Variants in BNC2 observed in about 807,000 individuals in gnomAD.
BNC2 encodes the protein zinc finger protein basonuclin-2.
A neutral mutation model predicts 76.3 loss-of-function variants in BNC2; 20 were observed. The observed-to-expected ratio is 0.26, with a 90% confidence interval of 0.18 to 0.38. The LOEUF is 0.38. BNC2 is among the 10% of genes least tolerant of loss of function. The probability of loss-of-function intolerance (pLI) is 1.00; values close to 1 mark genes in which losing one functional copy is unlikely to be tolerated. For synonymous variants in BNC2, 582 were observed against 514.8 expected, an observed-to-expected ratio of 1.13 and a Z score of -1.77; for missense variants, 1,382 against 1,399.8, an observed-to-expected ratio of 0.99 and a Z score of 0.20.
chr9:16,725,217 T>TCACTCACACA lies in BNC2; in HGVS notation c.330+2579_330+2580insTGTGTGAGTG, dbSNP rs929934068. ...TATAATTTCAATAAGTCTCTCTCTCTCACACACACACACACACACACACAC... is the reference window on the plus strand; with the variant it reads ...TATAATTTCAATAAGTCTCTCTCTCTCACTCACACACACACACACACACACACACACACAC... On this transcript the variant is annotated intron_variant, in intron 3 of 6. Coordinates refer to ENST00000380672, the MANE Select transcript of BNC2 (RefSeq NM_017637.6). 1.6e-3 allele frequency among the ~76,000 whole-genome samples: 238 copies of TCACTCACACA among 148,258 alleles called. 1 individual carries two copies. The highest frequency in any genetic ancestry group is 5.0e-3 in the African/African-American group (195 of 39,220).
chr9:16,856,331 C>T (rs1819257449), intron 1 of BNC2, among the ~76,000 whole-genome samples: 1 of 152,116 alleles, frequency 6.6e-6, no homozygotes, highest in South Asian at 2.1e-4. Context: ...TTATCACTGT[C>T]CTTTGTACAC....
At chr9:16,766,557 G>C in intron 1 of BNC2, among the ~76,000 whole-genome samples, 1 of 152,110 alleles carries the variant, frequency 6.6e-6, no homozygotes, top group Non-Finnish European at 1.5e-5. Context: ...AAGTCCTTTT[G>C]TTTATTTTCA....
At chr9:16,623,742 G>A (rs1820923054) in intron 3 of BNC2, among the ~76,000 whole-genome samples, 1 of 152,164 alleles carries the variant, frequency 6.6e-6, no homozygotes, top group Non-Finnish European at 1.5e-5. Context: ...GGGTCATAAA[G>A]TAAATGGATC....
intron 3 of BNC2, among the ~76,000 whole-genome samples, chr9:16,591,114 T>C (rs1366923040): frequency 1.3e-5 from 2 of 152,162 alleles, no homozygotes; most frequent in Non-Finnish European, 2.9e-5. Context: ...CCCTGTATAA[T>C]TTTCAGAATT....
chr9:16,764,877 A>T (rs1309881576), intron 1 of BNC2, among the ~76,000 whole-genome samples: 1 of 152,012 alleles, frequency 6.6e-6, no homozygotes, highest in Non-Finnish European at 1.5e-5. Flanking sequence ...TATCCCAAAA[A>T]TAAATGAGAG....
chr9:16,613,696 G>A (rs1316078287), intron 3 of BNC2, among the ~76,000 whole-genome samples: 3 of 152,176 alleles, frequency 2.0e-5, no homozygotes, highest in Admixed American at 1.3e-4. Context: ...GGGCGCCCCT[G>A]CATCCTTGAA....
intron 1 of BNC2, among the ~76,000 whole-genome samples, chr9:16,746,375 G>C (rs1030687847): frequency 2.6e-5 from 4 of 151,814 alleles, no homozygotes; most frequent in African/African-American, 9.7e-5. Context: ...TTGTTTGTTT[G>C]CTTTTTGAGA....
rs536385011 is a variant in BNC2, at chr9:16,765,544, A to G, written c.4-27059T>C. Among the ~76,000 whole-genome samples, 41 of 152,292 alleles carry G rather than the reference A, an allele frequency of 2.7e-4. No individual in the cohort carries two copies. The South Asian group carries it at 8.3e-3, about 31-fold the overall frequency. On this transcript the variant is annotated intron_variant, in intron 1 of 6. Transcript: ENST00000380672. ...AGCAGAAATAATTTGACTTTAGAAA[A>G]GCTGAAATATGTTAGGTAATGAAAT...
At chr9:16,850,598 G>T (rs898902625) in intron 1 of BNC2, among the ~76,000 whole-genome samples, 1 of 152,120 alleles carries the variant, frequency 6.6e-6, no homozygotes, top group Non-Finnish European at 1.5e-5. Context: ...GGCTGGGGGT[G>T]GTAGCCCATG....
chr9:16,838,347 G>A (rs1048405396), intron 1 of BNC2, among the ~76,000 whole-genome samples: 4 of 152,158 alleles, frequency 2.6e-5, no homozygotes, highest in African/African-American at 7.2e-5. Flanking sequence ...CTGAGGTCAG[G>A]AGTTCAAGAT....
chr9:16,705,454 T>C (rs901319674), intron 3 of BNC2, among the ~76,000 whole-genome samples: 4 of 152,136 alleles, frequency 2.6e-5, no homozygotes, highest in African/African-American at 9.7e-5. Flanking sequence ...CCTGACCCCT[T>C]GCATTGTGAC....
At chr9:16,731,511 G>C (rs1464263570) in intron 2 of BNC2, among the ~76,000 whole-genome samples, 1 of 152,096 alleles carries the variant, frequency 6.6e-6, no homozygotes, top group Non-Finnish European at 1.5e-5. Context: ...ATTTTACAAT[G>C]GTAAAATAGA....
At chr9:16,694,953 C>G (rs1280894405) in intron 3 of BNC2, among the ~76,000 whole-genome samples, 2 of 152,132 alleles carry the variant, frequency 1.3e-5, no homozygotes, top group African/African-American at 4.8e-5. Context: ...CTGTATCAGA[C>G]AGGTAAAAAG....
At position 16,810,656 on chromosome 9, in the gene BNC2, T is replaced by C. The variant is rs562607146; in HGVS notation, c.3+59990A>G. Among the ~76,000 whole-genome samples, 7 of 152,310 alleles carry C rather than the reference T, an allele frequency of 4.6e-5. No homozygotes were observed. The South Asian group carries it at 1.4e-3, about 32-fold the overall frequency. On this transcript the variant is annotated intron_variant, in intron 1 of 6. Coordinates refer to ENST00000380672, the MANE Select transcript of BNC2 (RefSeq NM_017637.6). ...CATTTTAGTGGCTCTTAACCATTTGTGCTTAAATGAAACTGAACAAAATGC... is the reference window on the plus strand; with the variant it reads ...CATTTTAGTGGCTCTTAACCATTTGCGCTTAAATGAAACTGAACAAAATGC...
chr9:16,704,913 T>G (rs543776748), intron 3 of BNC2: 1 of 152,450 alleles, frequency 6.6e-6, no homozygotes, highest in Admixed American at 6.5e-5. Context: ...GCAGCTCAGC[T>G]CCTTTCTGGC....
intron 3 of BNC2, among the ~76,000 whole-genome samples, chr9:16,696,465 T>C (rs148893245): frequency 0.019 from 2,867 of 152,292 alleles, 44 homozygotes; most frequent in South Asian, 0.052. Flanking sequence ...CTGATGCCAC[T>C]TCTTCCATGA....
chr9:16,630,188 TAAAC>T (rs1821120469), intron 3 of BNC2, among the ~76,000 whole-genome samples: 3 of 146,732 alleles, frequency 2.0e-5, no homozygotes, highest in African/African-American at 8.2e-5. Context: ...AGTACACTGA[TAAAC>T]AGACATATAA....
intron 1 of BNC2, among the ~76,000 whole-genome samples, chr9:16,747,625 G>T (rs189496758): frequency 1.3e-5 from 2 of 152,184 alleles, no homozygotes; most frequent in Non-Finnish European, 2.9e-5. Flanking sequence ...GACCAAGTTG[G>T]TCTGATTTCA....
chr9:16,723,610 G>C (rs1824231451), intron 3 of BNC2, among the ~76,000 whole-genome samples: 1 of 151,962 alleles, frequency 6.6e-6, no homozygotes, highest in African/African-American at 2.4e-5. Flanking sequence ...TTCATATTGA[G>C]CACTGTTTTA....
Sources: allele counts gnomAD v4.1 joint callset (sites outside exome capture counted in the v4.1 genomes callset), GRCh38; gene constraint gnomAD v4.1.1; transcripts MANE v1.5; gene names NCBI Gene and HGNC (gene_info 2026-07-23, HGNC 2026-07-21).